Variants in NEO1 observed in about 807,000 individuals in gnomAD.
NEO1 encodes neogenin 1.
In NEO1, 63 loss-of-function variants were observed where a neutral mutation model predicts 159.7. That is an observed-to-expected ratio of 0.39 (90% confidence interval 0.32 to 0.49). The LOEUF is 0.49. Ranked by LOEUF, NEO1 falls within the 20% of genes least tolerant of loss-of-function variation. NEO1 has a pLI of 0.85. For missense variants in NEO1, 1,615 were observed against 1,831.0 expected (o/e 0.88, Z 2.15); for synonymous variants, 633 against 662.0 (o/e 0.96, Z 0.67).
chr15:73,066,787 G>A (rs900785802), intron 1 of NEO1, among the ~76,000 whole-genome samples: 3 of 152,152 alleles, frequency 2.0e-5, no homozygotes, highest in African/African-American at 7.2e-5. Flanking sequence ...CTTAGGGCTT[G>A]GGTCTGTCGA....
At chr15:73,176,863 CAT>C (rs921325688) in intron 6 of NEO1, among the ~76,000 whole-genome samples, 80 of 152,284 alleles carry the variant, frequency 5.3e-4, no homozygotes, top group African/African-American at 1.3e-3. Context: ...GATTAGCACA[CAT>C]GTGTGTGCGT....
chr15:73,218,716 A>C (rs2038052784), intron 7 of NEO1, among the ~76,000 whole-genome samples: 1 of 152,188 alleles, frequency 6.6e-6, no homozygotes, highest in African/African-American at 2.4e-5. Flanking sequence ...ATTTGCATAG[A>C]GGTGATTGTA....
intron 5 of NEO1, among the ~76,000 whole-genome samples, chr15:73,171,553 GAAC>G (rs2034964651): frequency 6.6e-6 from 1 of 151,822 alleles, no homozygotes; most frequent in African/African-American, 2.4e-5. Flanking sequence ...AACAGAGTGA[GAAC>G]ATTGGCCAGT....
chr15:73,261,561 A>G (rs1340363783), intron 15 of NEO1, among the ~76,000 whole-genome samples: 1 of 152,180 alleles, frequency 6.6e-6, no homozygotes, highest in African/African-American at 2.4e-5. Flanking sequence ...TAAAATAACA[A>G]TACCACGTAG....
At chr15:73,272,696 C>T in intron 19 of NEO1, 134 bp downstream of exon 19, 1 of 657,170 alleles carries the variant, frequency 1.5e-6, no homozygotes, top group Non-Finnish European at 2.7e-6. Flanking sequence ...AGGTGTGAGT[C>T]ATGATGGTCC....
intron 1 of NEO1, among the ~76,000 whole-genome samples, chr15:73,086,995 C>T (rs1472712989): frequency 4.6e-5 from 7 of 152,114 alleles, no homozygotes; most frequent in Non-Finnish European, 1.0e-4. Context: ...TGTATGTCTT[C>T]TGTTAATTTT....
Position 73,135,885 on chromosome 15 carries a change from A to G in NEO1, c.879-6A>G. 6.8e-7 allele frequency: 1 copy of G among 1,476,546 alleles called. No individual in the cohort carries two copies. The highest frequency in any genetic ancestry group is 8.9e-7 in the Non-Finnish European group (1 of 1,121,634). The allele number at this position is 1,476,546 out of a possible 1,614,324, so 91.5% of individuals were successfully genotyped here. On this transcript the variant is annotated splice_polypyrimidine_tract_variant and splice_region_variant and intron_variant, in intron 4 of 28. Coordinates refer to ENST00000261908, the MANE Select transcript of NEO1 (RefSeq NM_002499.4). ...TATCTTTTTTTTTTTTTTTTTTTTAACACAGCTCTGAAAGATTGGTATTGC... is the reference window on the plus strand; with the variant it reads ...TATCTTTTTTTTTTTTTTTTTTTTAGCACAGCTCTGAAAGATTGGTATTGC...
chr15:73,272,626 A>G (rs947359342), intron 19 of NEO1, 64 bp downstream of exon 19: 1 of 1,174,166 alleles, frequency 8.5e-7, no homozygotes, highest in Non-Finnish European at 1.3e-6. Flanking sequence ...GTATTCCAGG[A>G]GAGTACCATG....
At chr15:73,241,114 G>A (rs1596454375) in intron 8 of NEO1, among the ~76,000 whole-genome samples, 1 of 152,148 alleles carries the variant, frequency 6.6e-6, no homozygotes, top group African/African-American at 2.4e-5. Context: ...ATTCTTATGG[G>A]TACCTGAGTT....
chr15:73,142,204 A>G (rs2032461502), intron 5 of NEO1, among the ~76,000 whole-genome samples: 1 of 152,162 alleles, frequency 6.6e-6, no homozygotes, highest in South Asian at 2.1e-4. Flanking sequence ...AGTTCACTAC[A>G]CAGGACATCA....
At chr15:73,180,304 T>G (rs2035527774) in intron 7 of NEO1, among the ~76,000 whole-genome samples, 1 of 152,192 alleles carries the variant, frequency 6.6e-6, no homozygotes, top group African/African-American at 2.4e-5. Flanking sequence ...TGTGCTATTT[T>G]TTGAAAAATA....
At chr15:73,156,085 T>C (rs2033750660) in intron 5 of NEO1, among the ~76,000 whole-genome samples, 1 of 152,260 alleles carries the variant, frequency 6.6e-6, no homozygotes, top group African/African-American at 2.4e-5. Context: ...TCACTACTTC[T>C]TATTTTTGAA....
intron 7 of NEO1, among the ~76,000 whole-genome samples, chr15:73,213,311 G>A (rs575971659): frequency 7.9e-5 from 12 of 152,024 alleles, no homozygotes; most frequent in South Asian, 4.2e-4. Context: ...TAGGGTACAG[G>A]TGGTATTTGG....
chr15:73,275,524 G>A (rs1291880340), intron 21 of NEO1, among the ~76,000 whole-genome samples: 1 of 151,978 alleles, frequency 6.6e-6, no homozygotes, highest in Non-Finnish European at 1.5e-5. Context: ...GCATGGTGGT[G>A]CGCACCTATA....
At chr15:73,265,849 G>A (rs2151013473) in intron 15 of NEO1, among the ~76,000 whole-genome samples, 2 of 152,280 alleles carry the variant, frequency 1.3e-5, no homozygotes, top group Middle Eastern at 6.8e-3. Flanking sequence ...GGATTTGGAG[G>A]CCACTTGGAG....
chr15:73,286,542 A>G (rs2041956688), intron 23 of NEO1, among the ~76,000 whole-genome samples: 1 of 152,036 alleles, frequency 6.6e-6, no homozygotes, highest in African/African-American at 2.4e-5. Context: ...CATTCCAGCT[A>G]CTTTTGTATT....
chr15:73,052,712 A>G lies in NEO1; in HGVS notation c.37A>G (p.Thr13Ala). 1 of 1,354,368 alleles carries G rather than the reference A, an allele frequency of 7.4e-7. No homozygotes were observed. Among genetic ancestry groups the G allele is most frequent in the Non-Finnish European group, 9.6e-7 (1 of 1,045,846 alleles). The allele number at this position is 1,354,368 out of a possible 1,614,324, so 83.9% of individuals were successfully genotyped here. A position where few individuals can be genotyped will look rare whatever the true frequency, so the allele number is the denominator to read the frequency against. Residue 13 changes from threonine to alanine, a missense_variant, in exon 1 of 29, where the codon ACC (threonine) becomes GCC (alanine). Transcript: ENST00000261908. Reference sequence around the variant, plus strand: ...GCGGGGAGCCCGGCGACTCCTCAGCACCCCCTCCTTCTGGCTCTACTGCCT... The same window carrying G: ...GCGGGGAGCCCGGCGACTCCTCAGCGCCCCCTCCTTCTGGCTCTACTGCCT... The part of the protein sequence containing the change: ...AERGARRLLS[T>A]PSFWLYCLLL...
intron 1 of NEO1, among the ~76,000 whole-genome samples, chr15:73,106,748 G>A (rs570813083): frequency 6.6e-5 from 10 of 152,134 alleles, no homozygotes; most frequent in African/African-American, 2.4e-4. Context: ...TGTAAAATGG[G>A]GATAATAATA....
chr15:73,097,826 C>T (rs1010943232), intron 1 of NEO1, among the ~76,000 whole-genome samples: 5 of 118,758 alleles, frequency 4.2e-5, no homozygotes, highest in African/African-American at 1.7e-4. Flanking sequence ...GAAAATGATG[C>T]GTAGAGACCA....
Sources: allele counts gnomAD v4.1 joint callset (sites outside exome capture counted in the v4.1 genomes callset), GRCh38; gene constraint gnomAD v4.1.1; transcripts MANE v1.5; gene names NCBI Gene and HGNC (gene_info 2026-07-23, HGNC 2026-07-21).